IL1F10: variants seen among roughly 807,000 people sequenced by gnomAD.
IL1F10 encodes the protein interleukin 1 family member 10, also known as interleukin-1 family member 10.
A neutral mutation model predicts 13.1 loss-of-function variants in IL1F10; 13 were observed. The ratio of observed to expected loss-of-function variants is 0.99; its 90% CI spans 0.64 to 1.57. IL1F10 has a LOEUF of 1.57. Among genes scored for constraint, IL1F10 ranks in the 40% most tolerant of loss-of-function variants. The pLI, the probability that IL1F10 is intolerant of heterozygous loss-of-function variation, is 0.00. For missense variants in IL1F10, 191 were observed against 184.1 expected, an observed-to-expected ratio of 1.04 and a Z score of -0.22; for synonymous variants, 78 against 68.2, an observed-to-expected ratio of 1.14 and a Z score of -0.71.
At chr2:113,071,258 A>G (rs1007722218) in intron 1 of IL1F10, among the ~76,000 whole-genome samples, 1 of 152,214 alleles carries the variant, frequency 6.6e-6, no homozygotes, top group Admixed American at 6.5e-5. Context: ...AGCTTCTATA[A>G]TATCATCTTT....
At position 113,074,851 on chromosome 2, in the gene IL1F10, G is replaced by A; in HGVS notation, c.246+1G>A. 5 of 1,611,638 alleles carry A rather than the reference G, an allele frequency of 3.1e-6. No homozygotes were observed. Among genetic ancestry groups the A allele is most frequent in the Non-Finnish European group, 4.2e-6 (5 of 1,179,666 alleles). ...AGAGGGGCCTTCCCTACAGCTGGAGGTGAGAGGCCTCTCCCCATTCTAGGG... is the reference window on the plus strand; with the variant it reads ...AGAGGGGCCTTCCCTACAGCTGGAGATGAGAGGCCTCTCCCCATTCTAGGG... On this transcript the variant is annotated splice_donor_variant, in intron 4 of 4. Transcript: ENST00000341010. LOFTEE classifies it high-confidence loss of function.
At chr2:113,074,984 C>T in intron 4 of IL1F10, 134 bp downstream of exon 4, 1 of 1,259,458 alleles carries the variant, frequency 7.9e-7, no homozygotes. Flanking sequence ...TCCACCATCT[C>T]CCTCTGCACC....
intron 2 of IL1F10, among the ~76,000 whole-genome samples, chr2:113,073,826 G>C (rs1685888490): frequency 6.6e-6 from 1 of 152,180 alleles, no homozygotes; most frequent in African/African-American, 2.4e-5. Flanking sequence ...CCAACTAGGT[G>C]ACTGAGCTAA....
At chr2:113,072,262 T>C (rs1685847490) in intron 1 of IL1F10, 1 of 154,464 alleles carries the variant, frequency 6.5e-6, no homozygotes, top group South Asian at 2.0e-4. Flanking sequence ...GGGCTCTAGT[T>C]ATCTAACCCT....
At chr2:113,070,249 G>C (rs1014906124) in intron 1 of IL1F10, among the ~76,000 whole-genome samples, 3 of 152,162 alleles carry the variant, frequency 2.0e-5, no homozygotes, top group Non-Finnish European at 4.4e-5. Flanking sequence ...CAAGACCCAG[G>C]CTCTCTGATG....
chr2:113,071,741 A>G (rs1040626373), intron 1 of IL1F10, among the ~76,000 whole-genome samples: 2 of 151,950 alleles, frequency 1.3e-5, no homozygotes, highest in Non-Finnish European at 2.9e-5. Context: ...GCATCTCTCT[A>G]TTCCTCCCTG....
chr2:113,075,307 C>G lies in IL1F10; in HGVS notation c.402C>G (p.Leu134=), dbSNP rs1407803026. The change falls in exon 5 of 5, where the codon CTC becomes CTG. Residue 134 remains leucine, a synonymous_variant. Transcript: ENST00000341010. ...GPAEPQQPVQ[L]TKESEPSART... ...CAGAGCCCCAGCAGCCAGTACAGCT[C>G]ACCAAGGAGAGTGAGCCCTCAGCCC... 2.5e-6 allele frequency: 4 copies of G among 1,604,280 alleles called. No homozygotes were observed. The Admixed American group carries it at 6.7e-5, about 27-fold the overall frequency.
intron 2 of IL1F10, among the ~76,000 whole-genome samples, chr2:113,073,374 A>C (rs887273036): frequency 6.6e-6 from 1 of 152,130 alleles, no homozygotes; most frequent in Non-Finnish European, 1.5e-5. Context: ...CCTCCCATGG[A>C]CCCTGTAATG....
In IL1F10 at chr2:113,072,726, A is replaced by G. The variant is rs1453840597; in HGVS notation, c.-13A>G. Reference sequence around the variant, plus strand: ...TCCCCATCAGTGAGGACCAGACACCACTGATTGCAGGAATGTGTTCCCTCC... The same window carrying G: ...TCCCCATCAGTGAGGACCAGACACCGCTGATTGCAGGAATGTGTTCCCTCC... On this transcript the variant is annotated 5_prime_UTR_variant, in exon 2 of 5. Coordinates refer to ENST00000341010, the MANE Select transcript of IL1F10 (RefSeq NM_173161.3). 6.2e-7 allele frequency: 1 copy of G among 1,612,488 alleles called. No homozygotes were observed. The highest frequency in any genetic ancestry group is 8.5e-7 in the Non-Finnish European group (1 of 1,179,022).
chr2:113,074,453 A>G, intron 3 of IL1F10, 39 bp downstream of exon 3: 3 of 1,463,658 alleles, frequency 2.0e-6, no homozygotes, highest in Non-Finnish European at 2.9e-6. Flanking sequence ...TCCATCTGCC[A>G]TAGGCCCTCC....
At chr2:113,074,442 C>G in intron 3 of IL1F10, 28 bp downstream of exon 3, 2 of 1,519,202 alleles carry the variant, frequency 1.3e-6, no homozygotes, top group Non-Finnish European at 1.8e-6. Flanking sequence ...CCACCCCATG[C>G]TCCATCTGCC....
At chr2:113,072,843 C>G (rs1217861682) in intron 2 of IL1F10, 73 bp downstream of exon 2, 4 of 1,336,618 alleles carry the variant, frequency 3.0e-6, no homozygotes, top group Non-Finnish European at 4.3e-6. Flanking sequence ...AATGCTGAGT[C>G]AGAGGATGAG....
Position 113,074,822 on chromosome 2 carries a change from C to G in IL1F10, c.218C>G (p.Thr73Arg). The G allele has an allele frequency of 2.5e-6, 4 of 1,612,864 alleles. No homozygotes were observed. The highest frequency in any genetic ancestry group is 3.4e-6 in the Non-Finnish European group (4 of 1,179,978). Residue 73 changes from threonine to arginine, a missense_variant, in exon 4 of 5, where the codon ACA becomes AGA. Transcript: ENST00000341010. ...GGSRCLACVE[T>R]EEGPSLQLED... ...AGCCGCTGCCTGGCATGTGTGGAGA[C>G]AGAAGAGGGGCCTTCCCTACAGCTG...
chr2:113,074,782 G>C lies in IL1F10; in HGVS notation c.178G>C (p.Gly60Arg). ...CCGCACCAAGGTCCCCATTTTCCTG[G>C]GGATCCAGGGAGGGAGCCGCTGCCT... ...LARTKVPIFL[G>R]IQGGSRCLAC... Residue 60 changes from glycine (G) to arginine (R), a missense_variant, in exon 4 of 5, where the codon GGG becomes CGG. Coordinates refer to ENST00000341010, the MANE Select transcript of IL1F10 (RefSeq NM_173161.3). 6.2e-7 allele frequency: 1 copy of C among 1,613,920 alleles called. No homozygotes were observed. Among genetic ancestry groups the C allele is most frequent in the Non-Finnish European group, 8.5e-7 (1 of 1,179,978 alleles).
intron 2 of IL1F10, 57 bp from the exon 3 acceptor site, chr2:113,074,272 T>G: frequency 1.8e-6 from 2 of 1,121,610 alleles, no homozygotes; most frequent in South Asian, 1.3e-5. Context: ...GTGGAAGGGC[T>G]TGGGGGCCAG....
At chr2:113,071,159 G>T (rs1364572871) in intron 1 of IL1F10, among the ~76,000 whole-genome samples, 1 of 152,188 alleles carries the variant, frequency 6.6e-6, no homozygotes, top group Non-Finnish European at 1.5e-5. Context: ...GTCTCTATGT[G>T]TGGATTTAAA....
At chr2:113,075,071 T>G (rs188134180) in intron 4 of IL1F10, 81 bp from the exon 5 acceptor site, 1 of 1,386,132 alleles carries the variant, frequency 7.2e-7, no homozygotes, top group East Asian at 2.3e-5. Flanking sequence ...CAGGTCCTTT[T>G]TTGGCCAAGC....
intron 3 of IL1F10, 140 bp downstream of exon 3, chr2:113,074,554 A>G: frequency 9.3e-7 from 1 of 1,080,072 alleles, no homozygotes; most frequent in Non-Finnish European, 1.4e-6. Context: ...GGCCTCTCCT[A>G]GCGAGGGGAC....
At chr2:113,069,683 C>T (rs1210280283) in intron 1 of IL1F10, among the ~76,000 whole-genome samples, 2 of 152,198 alleles carry the variant, frequency 1.3e-5, no homozygotes, top group Non-Finnish European at 2.9e-5. Flanking sequence ...GTGCAGTCTA[C>T]ATTTGGGAGC....
Sources: gnomAD v4.1 joint callset for allele counts (sites outside exome capture counted in the v4.1 genomes callset) on GRCh38, gnomAD v4.1.1 for gene constraint, MANE v1.5 for transcripts, NCBI Gene and HGNC (gene_info 2026-07-23, HGNC 2026-07-21) for gene names.